Variants in KCNMA1 observed in about 807,000 individuals in gnomAD.
The protein encoded by KCNMA1 is potassium calcium-activated channel subfamily M alpha 1, also known as Calcium-activated potassium channel subunit alpha-1.
KCNMA1 carries 29 observed loss-of-function variants against 140.0 expected under a neutral mutation model. The observed-to-expected ratio is 0.21, with a 90% confidence interval of 0.15 to 0.28. The LOEUF (loss-of-function observed/expected upper bound fraction) is 0.28. Ranked by LOEUF, KCNMA1 falls within the 10% of genes least tolerant of loss-of-function variation. The probability of loss-of-function intolerance (pLI) is 1.00; values close to 1 mark genes in which losing one functional copy is unlikely to be tolerated. For missense variants in KCNMA1, 880 were observed against 1,602.2 expected, an observed-to-expected ratio of 0.55 and a Z score of 7.70; for synonymous variants, 612 against 611.9, an observed-to-expected ratio of 1.00 and a Z score of 0.00.
intron 2 of KCNMA1, among the ~76,000 whole-genome samples, chr10:77,337,112 C>T (rs1381869067): frequency 6.6e-6 from 1 of 152,192 alleles, no homozygotes; most frequent in Non-Finnish European, 1.5e-5. Context: ...TCATTAGATC[C>T]ACCACCTTGT....
chr10:77,084,781 GTC>G, intron 11 of KCNMA1, 62 bp from the exon 12 acceptor site: 1 of 1,158,098 alleles, frequency 8.6e-7, no homozygotes, highest in Non-Finnish European at 1.3e-6. Flanking sequence ...CTCGAGTGTA[GTC>G]TCTCTCTGTT....
chr10:77,274,868 A>G (rs1489678713), intron 2 of KCNMA1, among the ~76,000 whole-genome samples: 1 of 152,202 alleles, frequency 6.6e-6, no homozygotes, highest in Non-Finnish European at 1.5e-5. Context: ...CGCAGAAGCC[A>G]TCTCATGGTG....
chr10:76,898,912 G>C (rs1006181478), intron 25 of KCNMA1, among the ~76,000 whole-genome samples: 5 of 151,832 alleles, frequency 3.3e-5, no homozygotes, highest in Admixed American at 1.3e-4. Flanking sequence ...AGGATATTTA[G>C]TGAATTGTTA....
chr10:76,947,296 C>T (rs2064361122), intron 22 of KCNMA1, among the ~76,000 whole-genome samples: 1 of 152,174 alleles, frequency 6.6e-6, no homozygotes, highest in Non-Finnish European at 1.5e-5. Context: ...GAGATCGTGC[C>T]ATTGCACTCC....
intron 2 of KCNMA1, among the ~76,000 whole-genome samples, chr10:77,261,242 A>G (rs895220768): frequency 5.9e-5 from 9 of 152,196 alleles, no homozygotes; most frequent in Non-Finnish European, 1.2e-4. Flanking sequence ...CCATCAGTAT[A>G]TAGACAAAGT....
chr10:77,144,631 A>C (rs185273332), intron 5 of KCNMA1, among the ~76,000 whole-genome samples: 1 of 152,178 alleles, frequency 6.6e-6, no homozygotes. Flanking sequence ...GTTAGATGGT[A>C]TCTCCCTGTC....
At chr10:77,241,505 G>C (rs2057271250) in intron 3 of KCNMA1, among the ~76,000 whole-genome samples, 1 of 151,696 alleles carries the variant, frequency 6.6e-6, no homozygotes, top group Non-Finnish European at 1.5e-5. Context: ...TTAATTAGCT[G>C]GGCATGATGG....
intron 1 of KCNMA1, among the ~76,000 whole-genome samples, chr10:77,531,534 G>C (rs1225838426): frequency 6.6e-6 from 1 of 152,182 alleles, no homozygotes; most frequent in Non-Finnish European, 1.5e-5. Flanking sequence ...CACCGACCCT[G>C]CCAGCGCTCC....
intron 2 of KCNMA1, among the ~76,000 whole-genome samples, chr10:77,381,521 G>T (rs1305470031): frequency 6.6e-6 from 1 of 152,072 alleles, no homozygotes; most frequent in Non-Finnish European, 1.5e-5. Flanking sequence ...GAACTACAAG[G>T]TATCTCTATG....
rs148477361 is a variant in KCNMA1 at position 77,122,004 on chromosome 10, C to T, written c.809-956G>A. Among the ~76,000 whole-genome samples, 1,280 of 152,316 alleles carry T rather than the reference C, an allele frequency of 8.4e-3. 12 individuals are homozygous for T. The highest frequency in any genetic ancestry group is 0.031 in the Middle Eastern group (9 of 294). ...TCTAGAAGCATTTTATTAAGCACCG[C>T]CACGTGCCAAAGGCAGTGCGAAGCC... On this transcript the variant is annotated intron_variant, in intron 5 of 27. Coordinates refer to ENST00000286628, the MANE Select transcript of KCNMA1 (RefSeq NM_001161352.2).
chr10:77,428,501 C>T (rs1345784292), intron 1 of KCNMA1, among the ~76,000 whole-genome samples: 1 of 152,138 alleles, frequency 6.6e-6, no homozygotes, highest in African/African-American at 2.4e-5. Flanking sequence ...AACTCCGAAG[C>T]CCAGAGAAGG....
chr10:77,132,522 A>ATTT (rs34605286), intron 5 of KCNMA1, among the ~76,000 whole-genome samples: 1 of 138,422 alleles, frequency 7.2e-6, no homozygotes. Context: ...AGCAGGTTAA[A>ATTT]TTTTTTTTTT....
chr10:77,329,286 G>C (rs1332708947), intron 2 of KCNMA1, among the ~76,000 whole-genome samples: 1 of 152,118 alleles, frequency 6.6e-6, no homozygotes, highest in Non-Finnish European at 1.5e-5. Context: ...TGAATGTTTT[G>C]TCCCCTCAAA....
In KCNMA1 at chr10:77,346,588, G is replaced by A. The variant is rs574168702; in HGVS notation, c.540+57274C>T. On this transcript the variant is annotated intron_variant, in intron 2 of 27. Transcript: ENST00000286628. ...CTGGGTTTCTTCCCCCAATCAGCTA[G>A]AAGACTTGCTGGGTACCTCCTCATT... Among the ~76,000 whole-genome samples the A allele has an allele frequency of 4.6e-5, 7 of 152,316 alleles. No homozygotes were observed. The East Asian group carries it at 1.4e-3, about 29-fold the overall frequency.
chr10:77,224,105 C>A (rs1216436348), intron 3 of KCNMA1, among the ~76,000 whole-genome samples: 1 of 152,184 alleles, frequency 6.6e-6, no homozygotes, highest in African/African-American at 2.4e-5. Flanking sequence ...TATTTGCTCC[C>A]TATCTGGGAT....
intron 1 of KCNMA1, among the ~76,000 whole-genome samples, chr10:77,413,007 G>A (rs1318638705): frequency 2.0e-5 from 3 of 151,982 alleles, no homozygotes; most frequent in Non-Finnish European, 2.9e-5. Flanking sequence ...ACAGGCGTGT[G>A]TCATCATACC....
At chr10:77,034,460 C>G (rs2153558599) in intron 15 of KCNMA1, among the ~76,000 whole-genome samples, 1 of 152,288 alleles carries the variant, frequency 6.6e-6, no homozygotes, top group South Asian at 2.1e-4. Flanking sequence ...AGAGGCCCAG[C>G]TTTCGCCGGG....
At chr10:76,893,843 CTAAA>C (rs1481071232) in intron 25 of KCNMA1, among the ~76,000 whole-genome samples, 2 of 152,080 alleles carry the variant, frequency 1.3e-5, no homozygotes, top group African/African-American at 4.8e-5. Context: ...TAAAGAAGAC[CTAAA>C]TAAATGGACA....
intron 1 of KCNMA1, chr10:77,634,502 G>C: frequency 1.0e-6 from 1 of 985,320 alleles, no homozygotes; most frequent in Non-Finnish European, 1.2e-6. Flanking sequence ...GAGACCAAAC[G>C]CTCATGAAAT....
Sources: allele counts gnomAD v4.1 joint callset (sites outside exome capture counted in the v4.1 genomes callset), GRCh38; gene constraint gnomAD v4.1.1; transcripts MANE v1.5; gene names NCBI Gene and HGNC (gene_info 2026-07-23, HGNC 2026-07-21).